NPAS3: variants seen among roughly 807,000 people sequenced by gnomAD.
NPAS3 encodes the protein neuronal PAS domain protein 3, also known as neuronal PAS domain-containing protein 3.
A neutral mutation model predicts 73.1 loss-of-function variants in NPAS3; 14 were observed. The observed-to-expected ratio is 0.19, with a 90% confidence interval of 0.13 to 0.30. The LOEUF (loss-of-function observed/expected upper bound fraction) is 0.30, where lower values mean the gene tolerates loss of function less well. NPAS3 is among the 10% of genes least tolerant of loss of function. The pLI, the probability that NPAS3 is intolerant of heterozygous loss-of-function variation, is 1.00. For synonymous variants in NPAS3, 620 were observed against 541.5 expected, an observed-to-expected ratio of 1.14 and a Z score of -2.01; for missense variants, 1,096 against 1,250.0, an observed-to-expected ratio of 0.88 and a Z score of 1.86.
intron 6 of NPAS3, among the ~76,000 whole-genome samples, chr14:33,686,315 G>A (rs2060087876): frequency 6.6e-6 from 1 of 152,216 alleles, no homozygotes; most frequent in Admixed American, 6.5e-5. Flanking sequence ...GATCAGGGAG[G>A]AGCTGGGGTG....
chr14:33,488,609 A>G (rs2051730442), intron 4 of NPAS3, among the ~76,000 whole-genome samples: 1 of 152,208 alleles, frequency 6.6e-6, no homozygotes, highest in Non-Finnish European at 1.5e-5. Context: ...TCATATTCCT[A>G]GAGCTGGCTC....
intron 2 of NPAS3, among the ~76,000 whole-genome samples, chr14:33,189,961 G>T (rs2046112056): frequency 6.6e-6 from 1 of 152,144 alleles, no homozygotes; most frequent in Non-Finnish European, 1.5e-5. Flanking sequence ...ACAATCGGAT[G>T]AGGGATTTGC....
At chr14:33,673,883 T>C (rs1690637061) in intron 5 of NPAS3, among the ~76,000 whole-genome samples, 1 of 152,206 alleles carries the variant, frequency 6.6e-6, no homozygotes, top group Non-Finnish European at 1.5e-5. Flanking sequence ...AGGTTATGAG[T>C]CCAAGTAGTG....
intron 5 of NPAS3, among the ~76,000 whole-genome samples, chr14:33,581,114 A>C (rs2056647301): frequency 6.6e-6 from 1 of 152,172 alleles, no homozygotes; most frequent in Non-Finnish European, 1.5e-5. Context: ...GGTAGGAAAA[A>C]CTTACCCTGA....
chr14:33,082,363 T>A (rs1398767793), intron 2 of NPAS3, among the ~76,000 whole-genome samples: 1 of 152,200 alleles, frequency 6.6e-6, no homozygotes, highest in Admixed American at 6.5e-5. Flanking sequence ...CATTTAGACT[T>A]TGTTTTTGAA....
At chr14:33,782,259 A>T (rs1393529641) in intron 9 of NPAS3, among the ~76,000 whole-genome samples, 10 of 152,198 alleles carry the variant, frequency 6.6e-5, no homozygotes, top group Admixed American at 6.5e-4. Context: ...TCCATTGCTC[A>T]GGAGGTACTG....
intron 4 of NPAS3, among the ~76,000 whole-genome samples, chr14:33,536,763 T>A (rs2054277344): frequency 6.6e-6 from 1 of 152,168 alleles, no homozygotes; most frequent in Non-Finnish European, 1.5e-5. Flanking sequence ...TCATAATAAA[T>A]AGAAGATGTA....
At chr14:33,475,929 G>C (rs2051010484) in intron 4 of NPAS3, among the ~76,000 whole-genome samples, 1 of 152,176 alleles carries the variant, frequency 6.6e-6, no homozygotes, top group Non-Finnish European at 1.5e-5. Context: ...AAGGACCATA[G>C]CTATCCTCAC....
chr14:33,767,055 T>C (rs2062485510), intron 7 of NPAS3, among the ~76,000 whole-genome samples: 1 of 152,254 alleles, frequency 6.6e-6, no homozygotes, highest in Non-Finnish European at 1.5e-5. Context: ...CCTTCAGTTA[T>C]GAGCCGCCTT....
At chr14:33,314,425 C>T (rs141701383) in intron 3 of NPAS3, among the ~76,000 whole-genome samples, 1 of 152,056 alleles carries the variant, frequency 6.6e-6, no homozygotes, top group East Asian at 1.9e-4. Context: ...GTTGGCTCCA[C>T]TGTGAAATGA....
At chr14:33,457,618 A>T (rs1468014334) in intron 4 of NPAS3, among the ~76,000 whole-genome samples, 1 of 152,176 alleles carries the variant, frequency 6.6e-6, no homozygotes, top group African/African-American at 2.4e-5. Context: ...GATTTTAGCA[A>T]GGAATTTCAT....
chr14:33,627,193 T>C (rs1004565172), intron 5 of NPAS3, among the ~76,000 whole-genome samples: 5 of 152,132 alleles, frequency 3.3e-5, no homozygotes, highest in Admixed American at 2.0e-4. Context: ...GGTCACAGCA[T>C]TGTTGAGGAA....
intron 3 of NPAS3, among the ~76,000 whole-genome samples, chr14:33,344,545 C>T (rs536709164): frequency 6.6e-6 from 1 of 152,308 alleles, no homozygotes; most frequent in African/African-American, 2.4e-5. Flanking sequence ...AACTGAGTCT[C>T]TGATCATAGT....
intron 3 of NPAS3, among the ~76,000 whole-genome samples, chr14:33,281,300 G>A (rs2140062793): frequency 6.6e-6 from 1 of 152,276 alleles, no homozygotes; most frequent in South Asian, 2.1e-4. Context: ...TCTTTAGAAT[G>A]TTTTGTGGCA....
chr14:33,558,374 C>T (rs1432037184), intron 4 of NPAS3, among the ~76,000 whole-genome samples: 3 of 151,944 alleles, frequency 2.0e-5, no homozygotes, highest in Non-Finnish European at 4.4e-5. Flanking sequence ...GATTCTTGTG[C>T]CTCATCCTCC....
intron 4 of NPAS3, among the ~76,000 whole-genome samples, chr14:33,498,935 A>AGAGT (rs1335110760): frequency 3.4e-3 from 323 of 94,926 alleles, no homozygotes; most frequent in Non-Finnish European, 3.6e-3. Flanking sequence ...ACAGAGAGAG[A>AGAGT]GTGTGTGTGT....
chr14:33,667,276 T>C (rs1823493530), intron 5 of NPAS3, among the ~76,000 whole-genome samples: 1 of 152,176 alleles, frequency 6.6e-6, no homozygotes, highest in South Asian at 2.1e-4. Context: ...CTCTAGAGAC[T>C]ATTCCTGGAT....
chr14:33,569,178 C>T (rs2056099522), intron 5 of NPAS3, among the ~76,000 whole-genome samples: 1 of 152,206 alleles, frequency 6.6e-6, no homozygotes, highest in Non-Finnish European at 1.5e-5. Flanking sequence ...CCTACAGCTG[C>T]AAATTCACCA....
intron 1 of NPAS3, among the ~76,000 whole-genome samples, chr14:32,981,761 T>C (rs1251937251): frequency 6.6e-6 from 1 of 151,920 alleles, no homozygotes; most frequent in Non-Finnish European, 1.5e-5. Flanking sequence ...GAGCGGGGGG[T>C]GAGAGGAACT....
Sources: gnomAD v4.1 joint callset for allele counts (sites outside exome capture counted in the v4.1 genomes callset) on GRCh38, gnomAD v4.1.1 for gene constraint, MANE v1.5 for transcripts, NCBI Gene and HGNC (gene_info 2026-07-23, HGNC 2026-07-21) for gene names.